ABCD2: variants seen among roughly 807,000 people sequenced by gnomAD.
The protein encoded by ABCD2 is ATP-binding cassette sub-family D member 2.
Under a neutral mutation model 70.9 loss-of-function variants are expected in ABCD2, and 36 were observed. That is an observed-to-expected ratio of 0.51 (90% confidence interval 0.39 to 0.67). The LOEUF (loss-of-function observed/expected upper bound fraction) is 0.67, where lower values mean the gene tolerates loss of function less well. Ranked by LOEUF, ABCD2 falls within the 30% of genes least tolerant of loss-of-function variation. The probability of loss-of-function intolerance (pLI) is 0.00; values close to 1 mark genes in which losing one functional copy is unlikely to be tolerated. For synonymous variants in ABCD2, 304 were observed against 306.9 expected (o/e 0.99, Z 0.10); for missense variants, 729 against 890.2 (o/e 0.82, Z 2.30).
At chr12:39,561,088 T>C (rs961077971) in intron 9 of ABCD2, among the ~76,000 whole-genome samples, 10 of 152,060 alleles carry the variant, frequency 6.6e-5, no homozygotes, top group Non-Finnish European at 1.0e-4. Context: ...TGGATTAAGT[T>C]CTCCAATTAA....
chr12:39,614,573 A>G (rs536622043), intron 2 of ABCD2, among the ~76,000 whole-genome samples: 1 of 150,710 alleles, frequency 6.6e-6, no homozygotes, highest in Non-Finnish European at 1.5e-5. Context: ...GCCTTAAAAT[A>G]TATAAAGCAT....
intron 7 of ABCD2, among the ~76,000 whole-genome samples, chr12:39,585,594 T>A (rs1246410313): frequency 6.6e-6 from 1 of 152,110 alleles, no homozygotes; most frequent in East Asian, 1.9e-4. Flanking sequence ...AAGAGTATTA[T>A]TAGACAATAA....
Position 39,553,899 on chromosome 12 carries a change from A to G in ABCD2, c.*13T>C. ...TTATCTAATAATTAACTTTTAAAAT[A>G]TGTCAAAACAAATTAAGATGTCTCA... On this transcript the variant is annotated 3_prime_UTR_variant, in exon 10 of 10. Transcript: ENST00000308666. 1.3e-6 allele frequency: 2 copies of G among 1,577,834 alleles called. No individual in the cohort carries two copies. The highest frequency in any genetic ancestry group is 2.3e-5 in the East Asian group (1 of 43,788).
At chr12:39,549,080 C>A (rs1055045400), downstream of ABCD2, among the ~76,000 whole-genome samples, 8 of 151,908 alleles carry the variant, frequency 5.3e-5, no homozygotes, top group African/African-American at 1.9e-4. Flanking sequence ...TTTACATGAT[C>A]TGAACTTGAG....
chr12:39,568,437 A>G (rs956146524), intron 9 of ABCD2, among the ~76,000 whole-genome samples: 2 of 152,140 alleles, frequency 1.3e-5, no homozygotes, highest in Non-Finnish European at 1.5e-5. Flanking sequence ...AGGCTTGTGC[A>G]TTCACCATGT....
intron 8 of ABCD2, among the ~76,000 whole-genome samples, chr12:39,578,842 C>T (rs1410249675): frequency 6.6e-6 from 1 of 151,914 alleles, no homozygotes; most frequent in Admixed American, 6.6e-5. Context: ...GTTGACTTAC[C>T]TTGAATTTAA....
intron 2 of ABCD2, among the ~76,000 whole-genome samples, chr12:39,614,610 A>G (rs923638725): frequency 3.3e-4 from 50 of 151,848 alleles, no homozygotes; most frequent in Non-Finnish European, 2.9e-5. Flanking sequence ...AACATAAGGG[A>G]CAAACTAAAG....
chr12:39,536,884 T>C, the ABCD2 span, among the ~76,000 whole-genome samples: 1 of 152,184 alleles, frequency 6.6e-6, no homozygotes, highest in African/African-American at 2.4e-5. Flanking sequence ...GAGCCTTGCA[T>C]TGCAAACACT....
intron 9 of ABCD2, among the ~76,000 whole-genome samples, chr12:39,554,899 C>CTATAGGCCAGAA: frequency 6.6e-6 from 1 of 152,226 alleles, no homozygotes; most frequent in East Asian, 1.9e-4. Flanking sequence ...CTGAACTGGC[C>CTATAGGCCAGAA]TATATTCTTA....
intron 6 of ABCD2, among the ~76,000 whole-genome samples, chr12:39,593,392 A>G (rs1312902766): frequency 2.0e-5 from 3 of 152,130 alleles, no homozygotes; most frequent in Non-Finnish European, 2.9e-5. Flanking sequence ...AGCTGGGACT[A>G]CAGGCAAGTA....
downstream of ABCD2, among the ~76,000 whole-genome samples, chr12:39,547,782 A>G (rs1270390045): frequency 6.6e-6 from 1 of 152,164 alleles, no homozygotes. Context: ...TAAAAATGTT[A>G]AAGATGGTAA....
chr12:39,610,905 C>T (rs1211059879), intron 2 of ABCD2, among the ~76,000 whole-genome samples: 2 of 152,172 alleles, frequency 1.3e-5, no homozygotes, highest in Non-Finnish European at 2.9e-5. Context: ...GGCCAGATTC[C>T]TTAGTGCCAG....
the ABCD2 span, among the ~76,000 whole-genome samples, chr12:39,540,206 T>C: frequency 2.0e-5 from 3 of 152,238 alleles, no homozygotes; most frequent in Non-Finnish European, 4.4e-5. Flanking sequence ...TTCTTACTTA[T>C]AGCCCTTGCA....
At chr12:39,543,512 TG>T in the ABCD2 span, among the ~76,000 whole-genome samples, 1 of 152,234 alleles carries the variant, frequency 6.6e-6, no homozygotes, top group Non-Finnish European at 1.5e-5. Flanking sequence ...ACATTAAAAT[TG>T]TGTAGGAACA....
At chr12:39,583,034 A>T (rs114736542) in intron 7 of ABCD2, among the ~76,000 whole-genome samples, 2,212 of 151,848 alleles carry the variant, frequency 0.015, 38 homozygotes, top group African/African-American at 0.049. Context: ...TAATTTTTGT[A>T]TGTTTTGTAG....
At chr12:39,540,300 T>C in the ABCD2 span, among the ~76,000 whole-genome samples, 1 of 152,194 alleles carries the variant, frequency 6.6e-6, no homozygotes, top group Non-Finnish European at 1.5e-5. Flanking sequence ...AATTCCTACC[T>C]AAGGGGTCTG....
At chr12:39,573,109 C>T (rs1261624193) in intron 9 of ABCD2, among the ~76,000 whole-genome samples, 1 of 151,820 alleles carries the variant, frequency 6.6e-6, no homozygotes, top group African/African-American at 2.4e-5. Context: ...ATAAGATGTA[C>T]CTGGAACAGA....
chr12:39,592,980 T>C (rs992640128), intron 6 of ABCD2, among the ~76,000 whole-genome samples: 3 of 152,096 alleles, frequency 2.0e-5, no homozygotes, highest in African/African-American at 2.4e-5. Flanking sequence ...AGATCTTGGA[T>C]AAAAAGAAAA....
chr12:39,598,956 T>G, intron 6 of ABCD2, among the ~76,000 whole-genome samples: 1 of 152,204 alleles, frequency 6.6e-6, no homozygotes, highest in Non-Finnish European at 1.5e-5. Flanking sequence ...ATGTTCATGT[T>G]TCTAAAAGCC....
Sources: gnomAD v4.1 joint callset for allele counts (sites outside exome capture counted in the v4.1 genomes callset) on GRCh38, gnomAD v4.1.1 for gene constraint, MANE v1.5 for transcripts, NCBI Gene and HGNC (gene_info 2026-07-23, HGNC 2026-07-21) for gene names.